SUGCT: variants seen among roughly 807,000 people sequenced by gnomAD.
The protein encoded by SUGCT is succinyl-CoA:glutarate CoA-transferase.
A neutral mutation model predicts 55.0 loss-of-function variants in SUGCT; 41 were observed. The ratio of observed to expected loss-of-function variants is 0.74; its 90% CI spans 0.58 to 0.97. The LOEUF (loss-of-function observed/expected upper bound fraction) is 0.97. SUGCT is among the 50% of genes least tolerant of loss of function. The pLI is 0.00. For synonymous variants in SUGCT, 187 were observed against 200.4 expected, an observed-to-expected ratio of 0.93 and a Z score of 0.56; for missense variants, 568 against 547.8, an observed-to-expected ratio of 1.04 and a Z score of -0.37.
intron 12 of SUGCT, among the ~76,000 whole-genome samples, chr7:40,511,949 C>CA (rs1308982577): frequency 6.6e-6 from 1 of 152,096 alleles, no homozygotes; most frequent in Non-Finnish European, 1.5e-5. Context: ...GCTACACACT[C>CA]AATCAAATGT....
chr7:40,435,270 G>C (rs921377945), intron 9 of SUGCT, among the ~76,000 whole-genome samples: 2 of 152,150 alleles, frequency 1.3e-5, no homozygotes, highest in African/African-American at 4.8e-5. Context: ...TATAAATCCT[G>C]ATAGAAGTAT....
intron 1 of SUGCT, among the ~76,000 whole-genome samples, chr7:40,160,036 G>C (rs1376113001): frequency 1.3e-5 from 2 of 152,074 alleles, no homozygotes; most frequent in East Asian, 3.9e-4. Context: ...CCTCTGCATG[G>C]CATGAATTTT....
chr7:40,275,326 ACTTTTC>A (rs1160837379), intron 8 of SUGCT, among the ~76,000 whole-genome samples: 1 of 152,162 alleles, frequency 6.6e-6, no homozygotes, highest in African/African-American at 2.4e-5. Context: ...TGAAGTCTGG[ACTTTTC>A]CTTGCAATTG....
chr7:40,950,200 T>C, the SUGCT span, among the ~76,000 whole-genome samples: 2 of 152,200 alleles, frequency 1.3e-5, no homozygotes, highest in African/African-American at 4.8e-5. Flanking sequence ...TCCTAGATAT[T>C]TTATTCTCTT....
intron 9 of SUGCT, among the ~76,000 whole-genome samples, chr7:40,390,153 T>G (rs1050793193): frequency 2.0e-5 from 3 of 152,148 alleles, no homozygotes; most frequent in Non-Finnish European, 4.4e-5. Flanking sequence ...TATGAGCTAT[T>G]TATGACAAAC....
chr7:40,308,149 A>G (rs1261953252), intron 8 of SUGCT, among the ~76,000 whole-genome samples: 1 of 152,152 alleles, frequency 6.6e-6, no homozygotes, highest in Non-Finnish European at 1.5e-5. Context: ...CATTCCATTG[A>G]TGTAGGGGGA....
chr7:40,318,848 G>T (rs1438541689), intron 9 of SUGCT, among the ~76,000 whole-genome samples: 1 of 152,190 alleles, frequency 6.6e-6, no homozygotes, highest in African/African-American at 2.4e-5. Context: ...CAAGCATAAA[G>T]TTTATAGTTT....
At chr7:40,332,323 AC>A (rs1796356371) in intron 9 of SUGCT, among the ~76,000 whole-genome samples, 1 of 152,198 alleles carries the variant, frequency 6.6e-6, no homozygotes, top group South Asian at 2.1e-4. Context: ...ATGTGACATC[AC>A]CTGTATTAGT....
chr7:40,524,888 G>A (rs1793722499), intron 12 of SUGCT, among the ~76,000 whole-genome samples: 1 of 152,118 alleles, frequency 6.6e-6, no homozygotes, highest in South Asian at 2.1e-4. Flanking sequence ...GTGGTGGTGT[G>A]GTAGAGAGTG....
chr7:40,346,739 C>T lies in SUGCT; in HGVS notation c.816+29884C>T, dbSNP rs529162038. Among the ~76,000 whole-genome samples the T allele has an allele frequency of 9.2e-5, 14 of 152,176 alleles. No individual in the cohort carries two copies. The South Asian group carries it at 1.2e-3, about 14-fold the overall frequency. ...TAAGGAAGTAATTATGGTTAAATGA[C>T]GTCATGAGGGTGGAGCCCTAATCTG... On this transcript the variant is annotated intron_variant, in intron 9 of 13. Coordinates refer to ENST00000335693, the MANE Select transcript of SUGCT (RefSeq NM_001193313.2).
At chr7:40,234,514 C>T (rs1489182077) in intron 6 of SUGCT, among the ~76,000 whole-genome samples, 1 of 152,156 alleles carries the variant, frequency 6.6e-6, no homozygotes, top group Non-Finnish European at 1.5e-5. Context: ...TTTTGTTCTT[C>T]TAAAGACTGA....
chr7:40,837,886 T>C (rs1214590008), intron 13 of SUGCT, among the ~76,000 whole-genome samples: 4 of 152,192 alleles, frequency 2.6e-5, no homozygotes, highest in Admixed American at 1.3e-4. Flanking sequence ...AGTGCTGGGA[T>C]TACAAGCGTG....
the SUGCT span, among the ~76,000 whole-genome samples, chr7:41,010,149 A>G: frequency 6.6e-6 from 1 of 152,198 alleles, no homozygotes; most frequent in Non-Finnish European, 1.5e-5. Flanking sequence ...TTGTTTGTTC[A>G]TTTATTGCTC....
chr7:40,147,736 G>A (rs929207553), intron 1 of SUGCT, among the ~76,000 whole-genome samples: 3 of 152,210 alleles, frequency 2.0e-5, no homozygotes, highest in Non-Finnish European at 4.4e-5. Flanking sequence ...CCCTGAGGCC[G>A]CCACAAGGGG....
intron 12 of SUGCT, among the ~76,000 whole-genome samples, chr7:40,580,803 G>GT (rs1797047131): frequency 6.6e-6 from 1 of 152,116 alleles, no homozygotes; most frequent in Non-Finnish European, 1.5e-5. Context: ...ATACCATTTT[G>GT]TTACAATTGC....
chr7:40,829,248 A>G (rs1792526922), intron 13 of SUGCT, among the ~76,000 whole-genome samples: 1 of 152,224 alleles, frequency 6.6e-6, no homozygotes, highest in African/African-American at 2.4e-5. Flanking sequence ...ATAGCTAGCC[A>G]GCAATCCATA....
chr7:40,958,204 G>T, the SUGCT span, among the ~76,000 whole-genome samples: 31 of 152,030 alleles, frequency 2.0e-4, no homozygotes, highest in African/African-American at 6.5e-4. Flanking sequence ...TTGAATGTTG[G>T]CCTGTCTTGC....
intron 5 of SUGCT, among the ~76,000 whole-genome samples, chr7:40,190,864 T>C (rs1267204334): frequency 6.6e-6 from 1 of 152,180 alleles, no homozygotes; most frequent in Non-Finnish European, 1.5e-5. Flanking sequence ...AAAAATTGCC[T>C]GTCAGGGTAC....
chr7:40,238,528 G>A (rs1447930459), intron 7 of SUGCT, among the ~76,000 whole-genome samples: 1 of 152,088 alleles, frequency 6.6e-6, no homozygotes, highest in Non-Finnish European at 1.5e-5. Context: ...TTCAGTGGGT[G>A]TTCATTCTCC....
Sources: allele counts gnomAD v4.1 joint callset (sites outside exome capture counted in the v4.1 genomes callset), GRCh38; gene constraint gnomAD v4.1.1; transcripts MANE v1.5; gene names NCBI Gene and HGNC (gene_info 2026-07-23, HGNC 2026-07-21).